Variants in CNTNAP2 observed in about 807,000 individuals in gnomAD.
The protein encoded by CNTNAP2 is contactin-associated protein-like 2.
Under a neutral mutation model 155.2 loss-of-function variants are expected in CNTNAP2, and 98 were observed. The observed-to-expected ratio is 0.63, with a 90% confidence interval of 0.54 to 0.75. The LOEUF is 0.75. Ranked by LOEUF, CNTNAP2 falls within the 30% of genes least tolerant of loss-of-function variation. The pLI, the probability that CNTNAP2 is intolerant of heterozygous loss-of-function variation, is 0.00. For missense variants in CNTNAP2, 1,727 were observed against 1,688.1 expected, an observed-to-expected ratio of 1.02 and a Z score of -0.40; for synonymous variants, 651 against 631.2, an observed-to-expected ratio of 1.03 and a Z score of -0.47.
intron 21 of CNTNAP2, among the ~76,000 whole-genome samples, chr7:148,382,230 G>C (rs1373804124): frequency 6.6e-6 from 1 of 152,192 alleles, no homozygotes; most frequent in East Asian, 1.9e-4. Flanking sequence ...GCCTGGGCCC[G>C]GGAGCCTCTG....
At chr7:147,821,411 G>A (rs1798358649) in intron 13 of CNTNAP2, among the ~76,000 whole-genome samples, 1 of 152,098 alleles carries the variant, frequency 6.6e-6, no homozygotes, top group Admixed American at 6.6e-5. Flanking sequence ...AATACAGAAG[G>A]CAACAAGACT....
intron 9 of CNTNAP2, among the ~76,000 whole-genome samples, chr7:147,328,463 C>T (rs1003585145): frequency 1.3e-5 from 2 of 152,206 alleles, no homozygotes; most frequent in Non-Finnish European, 2.9e-5. Context: ...TCACAATGGA[C>T]GGTTCCTCAG....
chr7:147,848,656 A>T (rs1435615539), intron 13 of CNTNAP2, among the ~76,000 whole-genome samples: 1 of 152,162 alleles, frequency 6.6e-6, no homozygotes, highest in African/African-American at 2.4e-5. Flanking sequence ...TTTTTCTGCT[A>T]AGAATTTGGC....
At chr7:147,058,586 C>A (rs1799605922) in intron 4 of CNTNAP2, among the ~76,000 whole-genome samples, 1 of 151,800 alleles carries the variant, frequency 6.6e-6, no homozygotes, top group Non-Finnish European at 1.5e-5. Flanking sequence ...TCAAAGGGTT[C>A]TTTTTTGTTC....
chr7:148,244,107 C>T (rs1231554786), intron 20 of CNTNAP2, among the ~76,000 whole-genome samples: 1 of 152,148 alleles, frequency 6.6e-6, no homozygotes, highest in Non-Finnish European at 1.5e-5. Context: ...TTATTTTATG[C>T]GTAGGAGAAG....
At chr7:146,931,712 A>T (rs1314908517) in intron 3 of CNTNAP2, among the ~76,000 whole-genome samples, 3 of 137,494 alleles carry the variant, frequency 2.2e-5, no homozygotes, top group African/African-American at 8.3e-5. Flanking sequence ...AGAAAAAAAG[A>T]GAGAAGAATC....
intron 3 of CNTNAP2, among the ~76,000 whole-genome samples, chr7:146,855,253 T>C (rs1458685027): frequency 6.6e-6 from 1 of 152,082 alleles, no homozygotes; most frequent in African/African-American, 2.4e-5. Context: ...AATAGAACAA[T>C]AGCTATAGAG....
chr7:147,257,221 A>T (rs1432052767), intron 8 of CNTNAP2, among the ~76,000 whole-genome samples: 1 of 152,218 alleles, frequency 6.6e-6, no homozygotes, highest in Non-Finnish European at 1.5e-5. Flanking sequence ...AATGCCCATC[A>T]GGCAGTCTCT....
At chr7:147,717,135 A>G (rs1218406909) in intron 13 of CNTNAP2, among the ~76,000 whole-genome samples, 1 of 152,128 alleles carries the variant, frequency 6.6e-6, no homozygotes, top group Non-Finnish European at 1.5e-5. Context: ...AGGAGAGTCA[A>G]TCACCTTTCC....
chr7:147,615,858 C>T (rs1801280800), intron 12 of CNTNAP2, among the ~76,000 whole-genome samples: 1 of 151,996 alleles, frequency 6.6e-6, no homozygotes, highest in African/African-American at 2.4e-5. Context: ...ATTGAAATAC[C>T]ACTTAAGTCC....
At chr7:146,779,549 C>T (rs17593886) in intron 2 of CNTNAP2, among the ~76,000 whole-genome samples, 3,642 of 152,266 alleles carry the variant, frequency 0.024, 75 homozygotes, top group Non-Finnish European at 0.037. Context: ...TTTATTTATG[C>T]TGTTATAGCC....
Position 147,060,526 on chromosome 7 carries a change from T to A in CNTNAP2, c.550+16472T>A, listed in dbSNP as rs533595606. Among the ~76,000 whole-genome samples the A allele has an allele frequency of 5.3e-5, 8 of 152,050 alleles. No homozygotes were observed. The East Asian group carries it at 1.2e-3, about 22-fold the overall frequency. ...GCACAAGGTCAGGAGATCGAGACCA[T>A]CCTGGCAAACACGGTGAAACCCTGT... is the stretch of plus-strand genomic sequence containing the variant. On this transcript the variant is annotated intron_variant, in intron 4 of 23. Coordinates refer to ENST00000361727, the MANE Select transcript of CNTNAP2 (RefSeq NM_014141.6).
chr7:147,715,318 G>A (rs758078789), intron 13 of CNTNAP2, among the ~76,000 whole-genome samples: 10 of 151,988 alleles, frequency 6.6e-5, no homozygotes, highest in Admixed American at 2.0e-4. Flanking sequence ...GAGTGATTCC[G>A]CTTATCCACA....
intron 8 of CNTNAP2, among the ~76,000 whole-genome samples, chr7:147,144,758 G>T (rs1188011677): frequency 6.6e-6 from 1 of 152,170 alleles, no homozygotes; most frequent in Non-Finnish European, 1.5e-5. Context: ...TACACAATAA[G>T]TTTATTACAT....
chr7:147,844,995 G>C lies in CNTNAP2; in HGVS notation c.2099-58570G>C, dbSNP rs1167519317. Among the ~76,000 whole-genome samples the C allele has an allele frequency of 2.9e-5, 4 of 138,702 alleles. 1 individual carries two copies. The highest frequency in any genetic ancestry group is 5.3e-5 in the African/African-American group (2 of 37,810). 91.0% of individuals were successfully genotyped at this position (138,702 alleles called of 152,430 possible). A position where few individuals can be genotyped will look rare whatever the true frequency, so the allele number is the denominator to read the frequency against. On this transcript the variant is annotated intron_variant, in intron 13 of 23. Transcript: ENST00000361727. ...TTTGATGTGCTGCTGGATTCGGTTT[G>C]CCAGTATTTTATTGAGGATTTTTGC...
At chr7:147,703,779 C>T (rs1217328883) in intron 13 of CNTNAP2, among the ~76,000 whole-genome samples, 2 of 152,082 alleles carry the variant, frequency 1.3e-5, no homozygotes, top group Non-Finnish European at 2.9e-5. Context: ...CCCTACTGTG[C>T]TACTGAATAT....
rs547887868 is a variant in CNTNAP2, at chr7:146,678,156, C to T, written c.98-96115C>T. ...AAATCTTGGCTCACTGCAACCTCTG[C>T]CTCCCAGGTTCAAGCAATTCTCCTG... On this transcript the variant is annotated intron_variant, in intron 1 of 23. Coordinates refer to ENST00000361727, the MANE Select transcript of CNTNAP2 (RefSeq NM_014141.6). Among the ~76,000 whole-genome samples, 19 of 152,114 alleles carry T rather than the reference C, an allele frequency of 1.2e-4. 1 individual carries two copies. Among genetic ancestry groups the T allele is most frequent in the African/African-American group, 3.6e-4 (15 of 41,486 alleles).
intron 3 of CNTNAP2, among the ~76,000 whole-genome samples, chr7:146,853,191 G>T (rs940705976): frequency 6.6e-6 from 1 of 152,000 alleles, no homozygotes; most frequent in Admixed American, 6.6e-5. Context: ...TAAATAAAAA[G>T]GTATGATTAC....
chr7:148,369,146 A>G (rs757186763), intron 21 of CNTNAP2, among the ~76,000 whole-genome samples: 128 of 110,878 alleles, frequency 1.2e-3, no homozygotes, highest in Admixed American at 1.8e-3. Context: ...TGTTACCATT[A>G]TATTTTTATA....
Sources: gnomAD v4.1 joint callset for allele counts (sites outside exome capture counted in the v4.1 genomes callset) on GRCh38, gnomAD v4.1.1 for gene constraint, MANE v1.5 for transcripts, NCBI Gene and HGNC (gene_info 2026-07-23, HGNC 2026-07-21) for gene names.